Variants in TTF1 observed in about 807,000 individuals in gnomAD.
The protein encoded by TTF1 is transcription termination factor, RNA polymerase I.
TTF1 carries 64 observed loss-of-function variants against 80.2 expected under a neutral mutation model. The ratio of observed to expected loss-of-function variants is 0.80; its 90% CI spans 0.65 to 0.98. TTF1 has a LOEUF of 0.98. Among genes scored for constraint, TTF1 ranks in the 50% least tolerant of loss-of-function variants. The probability of loss-of-function intolerance (pLI) is 0.00; values close to 1 mark genes in which losing one functional copy is unlikely to be tolerated. For missense variants in TTF1, 1,023 were observed against 1,086.2 expected, an observed-to-expected ratio of 0.94 and a Z score of 0.82; for synonymous variants, 372 against 382.7, an observed-to-expected ratio of 0.97 and a Z score of 0.33.
In TTF1 at chr9:132,384,239, G is replaced by T. The variant is rs563604535; in HGVS notation, c.2378+2317C>A. ...TTTCTGAAAAAAATAATTGGGCATT[G>T]CTAATAAAGCAGTACTTAGAAGAAA... On this transcript the variant is annotated intron_variant, in intron 9 of 10. Transcript: ENST00000334270. This position sits in a 1 kb window ranked among gnomAD's most constrained non-coding sequence, Gnocchi z 4.1. 6.6e-6 allele frequency among the ~76,000 whole-genome samples: 1 copy of T among 152,112 alleles called. No homozygotes were observed. Among genetic ancestry groups the T allele is most frequent in the Non-Finnish European group, 1.5e-5 (1 of 68,030 alleles).
At chr9:132,395,411 C>A (rs1227306680) in intron 5 of TTF1, among the ~76,000 whole-genome samples, 2 of 152,016 alleles carry the variant, frequency 1.3e-5, no homozygotes, top group African/African-American at 4.8e-5. Flanking sequence ...AAATTTCATT[C>A]CTGTGTGTGT....
chr9:132,377,575 TGTGGTGTGTGTG>T (rs1849231592), intron 10 of TTF1, among the ~76,000 whole-genome samples: 1 of 28,458 alleles, frequency 3.5e-5, no homozygotes, highest in Non-Finnish European at 8.7e-5. Context: ...GGTGAGTGCA[TGTGGTGTGTGTG>T]AGTGCATGTG....
intron 1 of TTF1, among the ~76,000 whole-genome samples, chr9:132,406,053 T>C (rs1239576235): frequency 6.6e-6 from 1 of 152,226 alleles, no homozygotes; most frequent in African/African-American, 2.4e-5. Flanking sequence ...TCTTGAGGGC[T>C]GGAATCCTGG....
chr9:132,398,190 T>C lies in TTF1; in HGVS notation c.1728A>G (p.Lys576=). 2.5e-6 allele frequency: 4 copies of C among 1,590,370 alleles called. No individual in the cohort carries two copies. Among genetic ancestry groups the C allele is most frequent in the Non-Finnish European group, 3.4e-6 (4 of 1,173,258 alleles). ...TCCTTTTTAAGTTGGTGATCACAGA[T>C]TTTTCCTCAGGATATCTGTCCGTGT... is the stretch of plus-strand genomic sequence containing the variant. ...LLYTDRYPEE[K]SVITNLKRRY... Residue 576 remains lysine (K), a synonymous_variant, in exon 4 of 11, where the codon AAA becomes AAG. Coordinates refer to ENST00000334270, the MANE Select transcript of TTF1 (RefSeq NM_007344.4).
At chr9:132,380,482 A>G (rs921021677) in intron 9 of TTF1, among the ~76,000 whole-genome samples, 18 of 152,280 alleles carry the variant, frequency 1.2e-4, no homozygotes, top group African/African-American at 4.3e-4. Context: ...CTTTAAGTGG[A>G]GTCCCTGGAC....
In TTF1 at chr9:132,376,094, C is replaced by G. The variant is rs748090871; in HGVS notation, c.2539G>C (p.Gly847Arg). 3 of 1,614,144 alleles carry G rather than the reference C, an allele frequency of 1.9e-6. No homozygotes were observed. The highest frequency in any genetic ancestry group is 2.5e-6 in the Non-Finnish European group (3 of 1,180,018). Residue 847 changes from glycine (G) to arginine (R), a missense_variant, in exon 11 of 11, where the codon GGC (glycine) becomes CGC (arginine). Gly to Arg is a moderately radical substitution (Grantham distance 125). Transcript: ENST00000334270. ...GCTGCAGGAGTCTGGATTTTAGTGC[C>G]TTTTTTCTCCATCATTTTTTCTAAC... The part of the protein sequence containing the change: ...EKLEKMMEKK[G>R]TKIQTPAAPK...
At chr9:132,385,478 C>T (rs1465457263) in intron 9 of TTF1, among the ~76,000 whole-genome samples, 3 of 152,186 alleles carry the variant, frequency 2.0e-5, no homozygotes, top group Admixed American at 6.5e-5. Flanking sequence ...CCCAGCCCAT[C>T]GCTGCCGTCA....
rs1432771702 is a variant in TTF1 at position 132,376,057 on chromosome 9, ACTTG to A, written c.2572_2575del (p.Gln858PhefsTer19). 6.2e-7 allele frequency: 1 copy of A among 1,614,096 alleles called. No individual in the cohort carries two copies. On this transcript the variant is annotated frameshift_variant, in exon 11 of 11. Coordinates refer to ENST00000334270, the MANE Select transcript of TTF1 (RefSeq NM_007344.4). LOFTEE classifies it low-confidence loss of function (END_TRUNC). ...ATAAAAGATGTCTCGAAATGGGAAAACTTGCTTGGGTGCTGCAGGAGTCTGGATT... is the reference window on the plus strand; with the variant it reads ...ATAAAAGATGTCTCGAAATGGGAAAACTTGGGTGCTGCAGGAGTCTGGATT...
In TTF1 at chr9:132,396,563, A is replaced by G. The variant is rs527300529; in HGVS notation, c.1778-52T>C. The G allele has an allele frequency of 2.0e-5, 31 of 1,517,808 alleles. No individual in the cohort carries two copies. The African/African-American group carries it at 3.6e-4, about 17-fold the overall frequency. 94.0% of individuals were successfully genotyped at this position (1,517,808 alleles called of 1,614,324 possible). On this transcript the variant is annotated intron_variant, in intron 4 of 10. Transcript: ENST00000334270. ...GGGACTCACATGAAATGAAGTCGCA[A>G]TTGTAAAAGGAACCCAGAACAGCCC...
chr9:132,394,088 A>G (rs1020051574), intron 5 of TTF1, among the ~76,000 whole-genome samples: 6 of 151,488 alleles, frequency 4.0e-5, no homozygotes, highest in African/African-American at 1.5e-4. Context: ...TAATTTTTGT[A>G]TTTTTTGTAG....
Position 132,402,729 on chromosome 9 carries a change from T to G in TTF1, c.93A>C (p.Lys31Asn), listed in dbSNP as rs758931572. 22 of 1,613,968 alleles carry G rather than the reference T, an allele frequency of 1.4e-5. No homozygotes were observed. Among genetic ancestry groups the G allele is most frequent in the East Asian group, 2.2e-5 (1 of 44,896 alleles). Reference sequence around the variant, plus strand: ...AGTCTCTGAAAATTTCGTGGGAATGTTTCTGAGGTCTTTCCTTATGTATAG... The same window carrying G: ...AGTCTCTGAAAATTTCGTGGGAATGGTTCTGAGGTCTTTCCTTATGTATAG... ...KCSIHKERPQ[K>N]HSHEIFRDSS... is the part of the protein sequence containing the mutation. Residue 31 changes from lysine to asparagine, a missense_variant, in exon 2 of 11, where the codon AAA becomes AAC. Coordinates refer to ENST00000334270, the MANE Select transcript of TTF1 (RefSeq NM_007344.4).
rs1382446512 is a variant in TTF1, at chr9:132,402,334, A to T, written c.488T>A (p.Val163Asp). The T allele has an allele frequency of 3.1e-6, 5 of 1,613,698 alleles. No individual in the cohort carries two copies. The highest frequency in any genetic ancestry group is 4.2e-6 in the Non-Finnish European group (5 of 1,179,942). ...AHKSEALHSK[V>D]REKKNKKHQR... is the part of the protein sequence containing the mutation. ...ATGCTTTTTATTCTTTTTCTCCCTA[A>T]CTTTACTGTGCAGGGCTTCTGATTT... The change falls in exon 2 of 11, where the codon GTT becomes GAT. Residue 163 changes from valine to aspartate, a missense_variant. Transcript: ENST00000334270.
At chr9:132,391,428 C>A (rs974634660) in intron 6 of TTF1, among the ~76,000 whole-genome samples, 4 of 151,892 alleles carry the variant, frequency 2.6e-5, no homozygotes, top group Non-Finnish European at 5.9e-5. Context: ...GTTACATTTT[C>A]CCCTCAATAA....
chr9:132,380,569 C>T (rs1012873647), intron 9 of TTF1, among the ~76,000 whole-genome samples: 2 of 152,164 alleles, frequency 1.3e-5, no homozygotes, highest in South Asian at 4.1e-4. Context: ...TAATGCTGTG[C>T]GCCCAACATG....
chr9:132,401,777 T>A lies in TTF1; in HGVS notation c.1045A>T (p.Met349Leu), dbSNP rs1446744307. Residue 349 changes from methionine to leucine, a missense_variant, in exon 2 of 11, where the codon ATG becomes TTG. Met to Leu is a conservative substitution (Grantham distance 15). Coordinates refer to ENST00000334270, the MANE Select transcript of TTF1 (RefSeq NM_007344.4). ...TATGCACTCTCGAGGCTCTCAGGCATGGCCACTGCCTCAAATTCCTGGTGA... is the reference window on the plus strand; with the variant it reads ...TATGCACTCTCGAGGCTCTCAGGCAAGGCCACTGCCTCAAATTCCTGGTGA... ...SNHQEFEAVA[M>L]PESLESAYPE... 3 of 1,614,214 alleles carry A rather than the reference T, an allele frequency of 1.9e-6. No individual in the cohort carries two copies. Among genetic ancestry groups the A allele is most frequent in the Middle Eastern group, 3.3e-4 (2 of 6,062 alleles).
At position 132,380,347 on chromosome 9, in the gene TTF1, G is replaced by A. The variant is rs542857263; in HGVS notation, c.2379-1203C>T. Among the ~76,000 whole-genome samples, 54 of 152,296 alleles carry A rather than the reference G, an allele frequency of 3.5e-4. 1 individual carries two copies. Among genetic ancestry groups the A allele is most frequent in the African/African-American group, 1.3e-3 (54 of 41,554 alleles). Reference sequence around the variant, plus strand: ...ACCTGCTTTGGCCTCCCAAAGTGCTGGGACTACAGGCATGAGCCACTGCAC... The same window carrying A: ...ACCTGCTTTGGCCTCCCAAAGTGCTAGGACTACAGGCATGAGCCACTGCAC... On this transcript the variant is annotated intron_variant, in intron 9 of 10. Transcript: ENST00000334270.
At chr9:132,379,359 G>C (rs1025375169) in intron 9 of TTF1, among the ~76,000 whole-genome samples, 3 of 152,180 alleles carry the variant, frequency 2.0e-5, no homozygotes, top group Non-Finnish European at 4.4e-5. Flanking sequence ...AGGGGAAAAA[G>C]AATCAGTAGT....
intron 1 of TTF1, among the ~76,000 whole-genome samples, chr9:132,403,562 A>G (rs1166468984): frequency 6.6e-6 from 1 of 152,164 alleles, no homozygotes; most frequent in Non-Finnish European, 1.5e-5. Context: ...CAGTTCTTCA[A>G]AAAGTTTTCC....
chr9:132,376,280 G>A (rs1486616643), intron 10 of TTF1, 112 bp from the exon 11 acceptor site: 2 of 1,199,062 alleles, frequency 1.7e-6, no homozygotes, highest in African/African-American at 3.1e-5. Context: ...TTATTGCTGT[G>A]TGTAAGGTCT....
Sources: gnomAD v4.1 joint callset for allele counts (sites outside exome capture counted in the v4.1 genomes callset) on GRCh38, gnomAD v4.1.1 for gene constraint, Gnocchi (gnomAD v3.1) non-coding constraint, MANE v1.5 for transcripts, NCBI Gene and HGNC (gene_info 2026-07-23, HGNC 2026-07-21) for gene names.